Variants in SNRPN observed in about 807,000 individuals in gnomAD.
The protein encoded by SNRPN is small nuclear ribonucleoprotein polypeptide N.
In SNRPN, 7 loss-of-function variants were observed where a neutral mutation model predicts 25.2. That is an observed-to-expected ratio of 0.28 (90% CI 0.16 to 0.52). The LOEUF (loss-of-function observed/expected upper bound fraction) is 0.52. Ranked by LOEUF, SNRPN falls within the 20% of genes least tolerant of loss-of-function variation. The probability of loss-of-function intolerance (pLI) is 0.96; values close to 1 mark genes in which losing one functional copy is unlikely to be tolerated. For synonymous variants in SNRPN, 124 were observed against 110.6 expected (o/e 1.12, Z -0.76); for missense variants, 196 against 322.5 (o/e 0.61, Z 3.00).
At chr15:24,952,639 G>A (rs1036557012), upstream of SNRPN, among the ~76,000 whole-genome samples, 5 of 152,150 alleles carry the variant, frequency 3.3e-5, no homozygotes, top group Non-Finnish European at 5.9e-5. Flanking sequence ...TATGAGGAAA[G>A]GCAGTCAGAG....
rs2077323955 is a variant in SNRPN, at chr15:24,978,590, G to A, written c.*146G>A. Reference sequence around the variant, plus strand: ...TAGAGCAATTAAACTGTGAGGTACTGTTGTATATATTTTTTTGCCTGTTGA... The same window carrying A: ...TAGAGCAATTAAACTGTGAGGTACTATTGTATATATTTTTTTGCCTGTTGA... On this transcript the variant is annotated 3_prime_UTR_variant, in exon 10 of 10. Coordinates refer to ENST00000390687, the MANE Select transcript of SNRPN (RefSeq NM_003097.6). The A allele has an allele frequency of 2.6e-6, 2 of 770,808 alleles. No homozygotes were observed. Among genetic ancestry groups the A allele is most frequent in the Non-Finnish European group, 4.4e-6 (2 of 458,630 alleles). 47.7% of individuals were successfully genotyped at this position (770,808 alleles called of 1,614,324 possible).
At chr15:24,954,254 A>G (rs1466235421), upstream of SNRPN, among the ~76,000 whole-genome samples, 1 of 152,178 alleles carries the variant, frequency 6.6e-6, no homozygotes, top group Non-Finnish European at 1.5e-5. Flanking sequence ...ATCATTGATT[A>G]TTGGTAAAAA....
intron 1 of SNRPN, among the ~76,000 whole-genome samples, chr15:24,881,501 A>G (rs2056598676): frequency 7.2e-6 from 1 of 139,648 alleles, no homozygotes; most frequent in African/African-American, 2.7e-5. Context: ...ATTGCACTCC[A>G]GCCTGGGCAA....
chr15:24,971,895 T>G (rs1203534602), intron 3 of SNRPN, among the ~76,000 whole-genome samples: 1 of 152,206 alleles, frequency 6.6e-6, no homozygotes, highest in Non-Finnish European at 1.5e-5. Context: ...GTCTTGCTCA[T>G]TCACAGTCAT....
At chr15:24,956,327 C>T (rs1235158211) in intron 1 of SNRPN, among the ~76,000 whole-genome samples, 2 of 141,260 alleles carry the variant, frequency 1.4e-5, no homozygotes, top group African/African-American at 2.6e-5. Context: ...GCCGCTGCAG[C>T]GGCTTAGATC....
chr15:24,860,422 C>G (rs2053887589), intron 1 of SNRPN, among the ~76,000 whole-genome samples: 1 of 152,066 alleles, frequency 6.6e-6, no homozygotes. Flanking sequence ...GGAGATAAGA[C>G]TTACTAGTTT....
chr15:24,891,182 A>G (rs28450474), intron 2 of SNRPN, among the ~76,000 whole-genome samples: 15,778 of 146,792 alleles, frequency 0.11, 1,215 homozygotes, highest in East Asian at 0.26. Flanking sequence ...AAATGCTGGG[A>G]ATACAGTTGT....
chr15:24,890,204 T>C (rs964276104), intron 2 of SNRPN, among the ~76,000 whole-genome samples: 1 of 152,108 alleles, frequency 6.6e-6, no homozygotes, highest in African/African-American at 2.4e-5. Context: ...AAGAATTATC[T>C]GCCCTACCTG....
At chr15:24,836,803 C>T (rs2051239469) in intron 2 of SNRPN, among the ~76,000 whole-genome samples, 1 of 152,064 alleles carries the variant, frequency 6.6e-6, no homozygotes, top group Admixed American at 6.5e-5. Context: ...TTTTTATGGA[C>T]AGTCATTTAG....
At chr15:24,909,395 G>A (rs2059066195) in intron 2 of SNRPN, 2 of 1,599,346 alleles carry the variant, frequency 1.3e-6, no homozygotes, top group Admixed American at 1.7e-5. Context: ...CAAATAGCAG[G>A]TAAAGGCACT....
chr15:24,927,925 C>G (rs1566922084), intron 3 of SNRPN, among the ~76,000 whole-genome samples: 1 of 152,136 alleles, frequency 6.6e-6, no homozygotes, highest in African/African-American at 2.4e-5. Context: ...TTTTGGTTGG[C>G]ACAACACGGT....
chr15:24,906,336 T>G (rs899549992), intron 2 of SNRPN, among the ~76,000 whole-genome samples: 2 of 152,174 alleles, frequency 1.3e-5, no homozygotes, highest in Non-Finnish European at 2.9e-5. Flanking sequence ...TTTTGCCTTG[T>G]TGCCCAGGCT....
Position 24,838,428 on chromosome 15 carries a change from A to T in SNRPN, c.-579+8523A>T, listed in dbSNP as rs1034348375. Among the ~76,000 whole-genome samples the T allele has an allele frequency of 2.0e-5, 3 of 152,116 alleles. No homozygotes were observed. The East Asian group carries it at 5.8e-4, about 29-fold the overall frequency. ...AGAGTTTCAACAAATACATACTGTC[A>T]TGAAATTACCACCGTAATCAATGTT... On this transcript the variant is annotated intron_variant, in intron 2 of 12. Coordinates refer to the SNRPN transcript ENST00000400100.
In SNRPN at chr15:24,901,484, A is replaced by T. The variant is rs545323448; in HGVS notation, c.-505+14895A>T. Reference sequence around the variant, plus strand: ...AGTCAATTCACAGTTGCAGAGTGATACCACACGGACCATGAAAAGAACACT... The same window carrying T: ...AGTCAATTCACAGTTGCAGAGTGATTCCACACGGACCATGAAAAGAACACT... On this transcript the variant is annotated intron_variant, in intron 2 of 11. Coordinates refer to the SNRPN transcript ENST00000400097. 7.9e-5 allele frequency among the ~76,000 whole-genome samples: 12 copies of T among 152,338 alleles called. 1 individual carries two copies. The South Asian group carries it at 2.3e-3, about 29-fold the overall frequency.
At chr15:24,960,704 T>C (rs374389802) in intron 1 of SNRPN, among the ~76,000 whole-genome samples, 1 of 152,204 alleles carries the variant, frequency 6.6e-6, no homozygotes, top group African/African-American at 2.4e-5. Context: ...TCAAGTGTTT[T>C]ACCCATCGTA....
chr15:24,978,100 G>T (rs1415193846), intron 8 of SNRPN, 93 bp from the exon 9 acceptor site: 8 of 1,359,200 alleles, frequency 5.9e-6, no homozygotes, highest in Non-Finnish European at 8.2e-6. Context: ...TATCATTGTT[G>T]TCTGGCCCAT....
In SNRPN at chr15:24,978,177, C is replaced by G; in HGVS notation, c.560-16C>G. 6.2e-7 allele frequency: 1 copy of G among 1,608,536 alleles called. No individual in the cohort carries two copies. Among genetic ancestry groups the G allele is most frequent in the Admixed American group, 1.7e-5 (1 of 58,870 alleles). Reference sequence around the variant, plus strand: ...CCATTTTATGAGGCCTTTATTTCTACCATTTTTCACTGTAGGCATTATGGC... The same window carrying G: ...CCATTTTATGAGGCCTTTATTTCTAGCATTTTTCACTGTAGGCATTATGGC... On this transcript the variant is annotated splice_polypyrimidine_tract_variant and intron_variant, in intron 8 of 9. Coordinates refer to ENST00000390687, the MANE Select transcript of SNRPN (RefSeq NM_003097.6).
chr15:24,859,821 A>T (rs1234162984), intron 1 of SNRPN, among the ~76,000 whole-genome samples: 2 of 152,196 alleles, frequency 1.3e-5, no homozygotes, highest in African/African-American at 4.8e-5. Context: ...CCCTTTTTAG[A>T]CCATATAAAG....
Position 24,909,220 on chromosome 15 carries a change from G to A in SNRPN, c.-504-10791G>A, listed in dbSNP as rs2059052419. 2.6e-6 allele frequency: 4 copies of A among 1,545,522 alleles called. No homozygotes were observed. The East Asian group carries it at 6.7e-5, about 26-fold the overall frequency. On this transcript the variant is annotated intron_variant, in intron 2 of 11. Transcript: ENST00000400097. ...AGCACATGTAATCGGCAACATTCTG[G>A]CCCATGATGTGCTTCCGGTGTACTT...
Sources: allele counts gnomAD v4.1 joint callset (sites outside exome capture counted in the v4.1 genomes callset), GRCh38; gene constraint gnomAD v4.1.1; transcripts MANE v1.5; gene names NCBI Gene and HGNC (gene_info 2026-07-23, HGNC 2026-07-21).